Variants in METAP1D observed in about 807,000 individuals in gnomAD.
The protein encoded by METAP1D is methionyl aminopeptidase type 1D, mitochondrial.
A neutral mutation model predicts 40.5 loss-of-function variants in METAP1D; 31 were observed. The observed-to-expected ratio is 0.77, with a 90% CI of 0.58 to 1.03. METAP1D has a LOEUF of 1.03. Ranked by LOEUF, METAP1D falls within the 50% of genes least tolerant of loss-of-function variation. The probability of loss-of-function intolerance (pLI) is 0.00; values close to 1 mark genes in which losing one functional copy is unlikely to be tolerated. For missense variants in METAP1D, 411 were observed against 420.7 expected (o/e 0.98, Z 0.20); for synonymous variants, 151 against 146.4 (o/e 1.03, Z -0.22).
chr2:172,079,214 G>A lies in METAP1D; in HGVS notation c.803-1G>A, dbSNP rs748356883. The A allele has an allele frequency of 6.2e-7, 1 of 1,613,180 alleles. No individual in the cohort carries two copies. Among genetic ancestry groups the A allele is most frequent in the East Asian group, 2.2e-5 (1 of 44,834 alleles). On this transcript the variant is annotated splice_acceptor_variant, in intron 7 of 9. Coordinates refer to ENST00000315796, the MANE Select transcript of METAP1D (RefSeq NM_199227.3). LOFTEE classifies it high-confidence loss of function. Reference sequence around the variant, plus strand: ...CACCCCCCATGTTTTTTGTTTTGCAGCAAACGACAGTGATCTACCCATGGA... The same window carrying A: ...CACCCCCCATGTTTTTTGTTTTGCAACAAACGACAGTGATCTACCCATGGA...
intron 1 of METAP1D, among the ~76,000 whole-genome samples, chr2:172,051,424 G>A (rs1689881854): frequency 6.6e-6 from 1 of 152,146 alleles, no homozygotes; most frequent in Non-Finnish European, 1.5e-5. Context: ...GTACATTAGT[G>A]AATAATCACA....
chr2:172,041,805 T>TAG (rs1689540249), intron 1 of METAP1D, among the ~76,000 whole-genome samples: 1 of 55,944 alleles, frequency 1.8e-5, no homozygotes, highest in South Asian at 8.5e-4. Context: ...ATATATATAG[T>TAG]TTTTTTTTTT....
At chr2:172,073,880 A>G (rs1416615620) in intron 6 of METAP1D, among the ~76,000 whole-genome samples, 1 of 152,258 alleles carries the variant, frequency 6.6e-6, no homozygotes, top group African/African-American at 2.4e-5. Context: ...TACACTAGGA[A>G]AAGAACAAGC....
intron 1 of METAP1D, among the ~76,000 whole-genome samples, chr2:172,058,365 G>A (rs933330177): frequency 6.6e-6 from 1 of 152,210 alleles, no homozygotes; most frequent in African/African-American, 2.4e-5. Context: ...GGGCCACACA[G>A]CTAATAAGTG....
intron 1 of METAP1D, among the ~76,000 whole-genome samples, chr2:172,060,050 C>CA (rs200261273): frequency 8.7e-5 from 13 of 148,856 alleles, no homozygotes; most frequent in East Asian, 2.2e-4. Flanking sequence ...GACTCCGTCT[C>CA]AAAAAAAAGA....
intron 1 of METAP1D, among the ~76,000 whole-genome samples, chr2:172,058,657 A>G (rs1162857892): frequency 6.6e-6 from 1 of 152,164 alleles, no homozygotes; most frequent in African/African-American, 2.4e-5. Flanking sequence ...CTGGGACTAC[A>G]TGTATGTGCC....
At chr2:172,045,790 T>A (rs1171130857) in intron 1 of METAP1D, among the ~76,000 whole-genome samples, 1 of 79,222 alleles carries the variant, frequency 1.3e-5, no homozygotes, top group East Asian at 4.3e-4. Context: ...TGTATGTATA[T>A]GTATATATGT....
chr2:172,030,559 C>T (rs2105412098), intron 1 of METAP1D, among the ~76,000 whole-genome samples: 1 of 152,264 alleles, frequency 6.6e-6, no homozygotes, highest in East Asian at 1.9e-4. Flanking sequence ...CTATCTTCAG[C>T]CTTTACCACT....
intron 1 of METAP1D, among the ~76,000 whole-genome samples, chr2:172,035,266 G>A (rs965079560): frequency 6.6e-6 from 1 of 152,038 alleles, no homozygotes; most frequent in Non-Finnish European, 1.5e-5. Context: ...CCGGGTTCAC[G>A]CCATTCTCCT....
At chr2:172,077,057 A>G (rs553640655) in intron 6 of METAP1D, among the ~76,000 whole-genome samples, 234 of 152,372 alleles carry the variant, frequency 1.5e-3, no homozygotes, top group Non-Finnish European at 2.4e-3. Context: ...AGTGCATGCA[A>G]TGTACTTCTC....
intron 1 of METAP1D, among the ~76,000 whole-genome samples, chr2:172,024,596 C>T (rs1476436738): frequency 6.6e-6 from 1 of 152,120 alleles, no homozygotes; most frequent in Non-Finnish European, 1.5e-5. Flanking sequence ...TAACCCCCCG[C>T]TATATACCTT....
At chr2:172,076,651 T>C (rs1328217991) in intron 6 of METAP1D, among the ~76,000 whole-genome samples, 1 of 152,230 alleles carries the variant, frequency 6.6e-6, no homozygotes, top group African/African-American at 2.4e-5. Flanking sequence ...GAAGCTGTCT[T>C]ACAAGTCTGG....
chr2:172,020,792 T>G (rs1459182138), intron 1 of METAP1D, among the ~76,000 whole-genome samples: 2 of 152,214 alleles, frequency 1.3e-5, no homozygotes, highest in Non-Finnish European at 2.9e-5. Flanking sequence ...GAGAGAGTAA[T>G]TTTTAAAAAT....
chr2:172,069,589 G>A (rs1178311510), intron 5 of METAP1D, among the ~76,000 whole-genome samples: 1 of 152,128 alleles, frequency 6.6e-6, no homozygotes, highest in East Asian at 1.9e-4. Flanking sequence ...AACCTATGAA[G>A]CAAAGTGAAA....
At chr2:172,070,855 G>GAA in intron 5 of METAP1D, 52 bp from the exon 6 acceptor site, 1 of 1,461,472 alleles carries the variant, frequency 6.8e-7, no homozygotes, top group South Asian at 1.4e-5. Flanking sequence ...TATACTTTAG[G>GAA]AAAGTAGATT....
At chr2:172,036,092 C>T (rs999545992) in intron 1 of METAP1D, among the ~76,000 whole-genome samples, 26 of 151,834 alleles carry the variant, frequency 1.7e-4, no homozygotes, top group South Asian at 6.2e-4. Flanking sequence ...CCAAGGTGGG[C>T]GGATCACTAG....
At chr2:172,070,081 A>G (rs1208951398) in intron 5 of METAP1D, among the ~76,000 whole-genome samples, 1 of 152,184 alleles carries the variant, frequency 6.6e-6, no homozygotes. Flanking sequence ...AAGGATCAGT[A>G]TCCAAACAGT....
intron 1 of METAP1D, among the ~76,000 whole-genome samples, chr2:172,055,513 G>A (rs554096622): frequency 2.5e-4 from 38 of 152,276 alleles, no homozygotes; most frequent in African/African-American, 7.2e-4. Context: ...ACAAAGTTGA[G>A]GGCCCGCCCC....
rs1259129176 is a variant in METAP1D, at chr2:172,016,314, T to A, written c.40+16305T>A. On this transcript the variant is annotated intron_variant, in intron 1 of 9. Transcript: ENST00000315796. ...AAAAAAAAAAAAATATATATATATA[T>A]ATATATATATATATATAAATAGTCC... Among the ~76,000 whole-genome samples the A allele has an allele frequency of 4.1e-3, 383 of 94,200 alleles. 1 individual carries two copies. Among genetic ancestry groups the A allele is most frequent in the Non-Finnish European group, 6.0e-3 (272 of 45,488 alleles). 61.8% of individuals were successfully genotyped at this position (94,200 alleles called of 152,430 possible). A position where few individuals can be genotyped will look rare whatever the true frequency, so the allele number is the denominator to read the frequency against.
Sources: gnomAD v4.1 joint callset for allele counts (sites outside exome capture counted in the v4.1 genomes callset) on GRCh38, gnomAD v4.1.1 for gene constraint, MANE v1.5 for transcripts, NCBI Gene and HGNC (gene_info 2026-07-23, HGNC 2026-07-21) for gene names.